The following LRRIQ3 variants were observed in gnomAD, a reference collection of about 807,000 sequenced individuals.
The protein encoded by LRRIQ3 is leucine-rich repeat and IQ domain-containing protein 3.
LRRIQ3 carries 75 observed loss-of-function variants against 59.3 expected under a neutral mutation model. The ratio of observed to expected loss-of-function variants is 1.26; its 90% CI spans 1.05 to 1.53. The LOEUF (loss-of-function observed/expected upper bound fraction) is 1.53. Among genes scored for constraint, LRRIQ3 ranks in the 40% most tolerant of loss-of-function variants. LRRIQ3 has a pLI of 0.00. For missense variants in LRRIQ3, 831 were observed against 710.0 expected, an observed-to-expected ratio of 1.17 and a Z score of -1.94; for synonymous variants, 250 against 231.3, an observed-to-expected ratio of 1.08 and a Z score of -0.73.
intron 6 of LRRIQ3, among the ~76,000 whole-genome samples, chr1:74,061,418 C>T (rs767574792): frequency 3.3e-5 from 5 of 152,136 alleles, no homozygotes; most frequent in Non-Finnish European, 5.9e-5. Flanking sequence ...TTATCAATGA[C>T]ATTCTTCATT....
intron 6 of LRRIQ3, among the ~76,000 whole-genome samples, chr1:74,055,926 C>T (rs368672048): frequency 2.6e-5 from 4 of 151,954 alleles, no homozygotes; most frequent in East Asian, 3.9e-4. Context: ...GGGCACATCA[C>T]GAGGTCAGGT....
chr1:74,075,826 G>A (rs1347704028), intron 5 of LRRIQ3, among the ~76,000 whole-genome samples: 2 of 152,092 alleles, frequency 1.3e-5, no homozygotes, highest in Non-Finnish European at 2.9e-5. Context: ...ATCTGCATGG[G>A]TACTATCCTC....
chr1:74,162,462 C>T (rs1648715627), intron 3 of LRRIQ3, among the ~76,000 whole-genome samples: 3 of 151,638 alleles, frequency 2.0e-5, no homozygotes, highest in Non-Finnish European at 3.0e-5. Flanking sequence ...ATACTACGTG[C>T]CTGAAATGAA....
intron 5 of LRRIQ3, among the ~76,000 whole-genome samples, chr1:74,099,095 CA>C (rs933366868): frequency 1.2e-4 from 19 of 152,026 alleles, no homozygotes; most frequent in African/African-American, 3.9e-4. Context: ...AAAAAACCTT[CA>C]AAAAATCAAT....
chr1:74,173,778 G>C (rs1182097105), intron 3 of LRRIQ3, among the ~76,000 whole-genome samples: 1 of 151,926 alleles, frequency 6.6e-6, no homozygotes, highest in African/African-American at 2.4e-5. Context: ...ACTTCCTTCA[G>C]CACTTCTTGT....
chr1:74,061,933 C>T (rs1654732403), intron 6 of LRRIQ3, among the ~76,000 whole-genome samples: 1 of 152,098 alleles, frequency 6.6e-6, no homozygotes, highest in Non-Finnish European at 1.5e-5. Context: ...ACTAGAGAGG[C>T]TGAGGTGGCA....
chr1:74,103,006 T>C (rs1405507733), intron 5 of LRRIQ3, among the ~76,000 whole-genome samples: 1 of 151,984 alleles, frequency 6.6e-6, no homozygotes, highest in Non-Finnish European at 1.5e-5. Context: ...CAATTATCTT[T>C]AGCCTCTGGT....
At chr1:74,194,386 TGGTAGCACAA>T (rs1394978912) in intron 1 of LRRIQ3, among the ~76,000 whole-genome samples, 1 of 152,172 alleles carries the variant, frequency 6.6e-6, no homozygotes, top group Non-Finnish European at 1.5e-5. Flanking sequence ...TAAATAACCT[TGGTAGCACAA>T]AACATTATAT....
At position 74,163,454 on chromosome 1, in the gene LRRIQ3, A is replaced by T. The variant is rs546050982; in HGVS notation, c.574-7588T>A. Among the ~76,000 whole-genome samples the T allele has an allele frequency of 3.7e-3, 568 of 151,784 alleles. 1 individual carries two copies. The highest frequency in any genetic ancestry group is 4.1e-3 in the Non-Finnish European group (279 of 67,660). ...AGAACAAAACTGTAACATAGTACAT[A>T]GTAGTTATATAACAAAAGTGAGTAC... On this transcript the variant is annotated intron_variant, in intron 3 of 7. Coordinates refer to ENST00000354431, the MANE Select transcript of LRRIQ3 (RefSeq NM_001105659.2).
intron 7 of LRRIQ3, among the ~76,000 whole-genome samples, chr1:74,039,048 TA>T (rs1389172806): frequency 2.0e-5 from 3 of 152,216 alleles, no homozygotes; most frequent in Non-Finnish European, 2.9e-5. Flanking sequence ...AAGCATGTGC[TA>T]AAGTTCTTAG....
chr1:74,027,060 G>T, intron 7 of LRRIQ3, 91 bp from the exon 8 acceptor site: 1 of 877,666 alleles, frequency 1.1e-6, no homozygotes, highest in Non-Finnish European at 1.7e-6. Context: ...ATAATTAGAT[G>T]TCTTCGAAAT....
chr1:74,032,804 T>G (rs1166249601), intron 7 of LRRIQ3, among the ~76,000 whole-genome samples: 1 of 152,032 alleles, frequency 6.6e-6, no homozygotes, highest in East Asian at 1.9e-4. Context: ...TTGGTAGCCA[T>G]AATTCTGACT....
chr1:74,052,634 C>T lies in LRRIQ3; in HGVS notation c.998-10701G>A, dbSNP rs184405960. On this transcript the variant is annotated intron_variant, in intron 6 of 7. Transcript: ENST00000354431. ...CTTTTCTCACACTCTGGGCAGAGAG[C>T]GGTTATTCATTGGAGAAGATTATAA... Among the ~76,000 whole-genome samples the T allele has an allele frequency of 1.2e-4, 18 of 152,150 alleles. No individual in the cohort carries two copies. The East Asian group carries it at 3.1e-3, about 26-fold the overall frequency.
Position 74,041,661 on chromosome 1 carries a change from C to G in LRRIQ3, c.1270G>C (p.Asp424His), listed in dbSNP as rs781399229. The G allele has an allele frequency of 6.2e-7, 1 of 1,613,610 alleles. No individual in the cohort carries two copies. The highest frequency in any genetic ancestry group is 2.2e-5 in the East Asian group (1 of 44,840). ...GMKLRTFSDI[D>H]KYYTEQKKQE... ...TTCTTTTGTTCTGTGTAATATTTGTCAATATCACTAAATGTTCGGAGTTTC... is the reference window on the plus strand; with the variant it reads ...TTCTTTTGTTCTGTGTAATATTTGTGAATATCACTAAATGTTCGGAGTTTC... The change falls in exon 7 of 8, where the codon GAC becomes CAC. Residue 424 changes from aspartate to histidine, a missense_variant. Asp to His is a moderately conservative substitution (Grantham distance 81, BLOSUM62 -1). Transcript: ENST00000354431.
chr1:74,193,882 G>C (rs1196548229), intron 1 of LRRIQ3, among the ~76,000 whole-genome samples: 10 of 151,966 alleles, frequency 6.6e-5, no homozygotes, highest in African/African-American at 2.4e-4. Context: ...AAAAGTCTTA[G>C]TTTTTAGAAA....
intron 5 of LRRIQ3, chr1:74,083,019 T>G (rs1646289680): frequency 6.6e-6 from 1 of 151,874 alleles, no homozygotes; most frequent in Admixed American, 6.6e-5. Context: ...GTTATGTTTC[T>G]TCTCCGCCAA....
At chr1:74,124,507 C>T (rs990197718) in intron 4 of LRRIQ3, among the ~76,000 whole-genome samples, 2 of 151,908 alleles carry the variant, frequency 1.3e-5, no homozygotes, top group African/African-American at 4.8e-5. Flanking sequence ...TAGCGTTAAG[C>T]TGCAAATCCA....
At chr1:74,084,613 T>C (rs558670318) in intron 5 of LRRIQ3, among the ~76,000 whole-genome samples, 2 of 151,818 alleles carry the variant, frequency 1.3e-5, no homozygotes, top group Middle Eastern at 3.4e-3. Flanking sequence ...AAAACTCCAA[T>C]GCTGTCTCTC....
chr1:74,153,035 C>A (rs1216040174), intron 4 of LRRIQ3, among the ~76,000 whole-genome samples: 1 of 152,024 alleles, frequency 6.6e-6, no homozygotes, highest in Non-Finnish European at 1.5e-5. Context: ...ATTAATGTAC[C>A]TAACATGGTG....
Sources: gnomAD v4.1 joint callset for allele counts (sites outside exome capture counted in the v4.1 genomes callset) on GRCh38, gnomAD v4.1.1 for gene constraint, MANE v1.5 for transcripts, NCBI Gene and HGNC (gene_info 2026-07-23, HGNC 2026-07-21) for gene names.